RNLS: variants seen among roughly 807,000 people sequenced by gnomAD.
The protein encoded by RNLS is renalase.
Under a neutral mutation model 39.8 loss-of-function variants are expected in RNLS, and 39 were observed. The observed-to-expected ratio is 0.98, with a 90% confidence interval of 0.76 to 1.28. The LOEUF is 1.28. Ranked by LOEUF, RNLS falls within the 50% of genes most tolerant of loss-of-function variation. RNLS has a pLI of 0.00. For synonymous variants in RNLS, 147 were observed against 150.7 expected, an observed-to-expected ratio of 0.98 and a Z score of 0.18; for missense variants, 410 against 413.3, an observed-to-expected ratio of 0.99 and a Z score of 0.07.
chr10:88,559,220 T>G (rs1849036640), intron 4 of RNLS, among the ~76,000 whole-genome samples: 1 of 152,214 alleles, frequency 6.6e-6, no homozygotes, highest in Admixed American at 6.6e-5. Flanking sequence ...TTTGCATCTT[T>G]GTAGTATAAC....
chr10:88,206,090 T>C, the RNLS span, among the ~76,000 whole-genome samples: 5 of 152,196 alleles, frequency 3.3e-5, no homozygotes, highest in East Asian at 9.6e-4. Context: ...TTTCTGAAGT[T>C]TAATGCTGCA....
intron 5 of RNLS, among the ~76,000 whole-genome samples, chr10:88,315,680 A>G (rs564633347): frequency 6.6e-6 from 1 of 152,104 alleles, no homozygotes; most frequent in East Asian, 1.9e-4. Flanking sequence ...ACAGGAAAGA[A>G]AGAGTTGACA....
intron 4 of RNLS, among the ~76,000 whole-genome samples, chr10:88,455,301 A>C (rs1237802169): frequency 6.6e-6 from 1 of 152,226 alleles, no homozygotes; most frequent in Non-Finnish European, 1.5e-5. Flanking sequence ...AATTTATAGA[A>C]ATAAACGTTC....
chr10:88,490,991 T>C (rs1844843976), intron 4 of RNLS, among the ~76,000 whole-genome samples: 2 of 152,318 alleles, frequency 1.3e-5, no homozygotes, highest in African/African-American at 4.8e-5. Context: ...AGTTGTGTGA[T>C]AAGAGCCACG....
chr10:88,212,090 A>G, the RNLS span, among the ~76,000 whole-genome samples: 1 of 152,150 alleles, frequency 6.6e-6, no homozygotes, highest in African/African-American at 2.4e-5. Flanking sequence ...TTCAAATTCT[A>G]CCCACATTGA....
chr10:88,376,037 C>A (rs11202734), intron 4 of RNLS, among the ~76,000 whole-genome samples: 14,280 of 152,096 alleles, frequency 0.094, 818 homozygotes, highest in East Asian at 0.34. Flanking sequence ...CTGGGAGCAG[C>A]CCTCAGAAAA....
intron 4 of RNLS, among the ~76,000 whole-genome samples, chr10:88,422,093 G>T (rs141020500): frequency 8.5e-4 from 130 of 152,310 alleles, no homozygotes; most frequent in African/African-American, 3.1e-3. Context: ...GAAGGATAAA[G>T]CTTCTGGAGG....
chr10:88,426,930 G>A (rs1589772841), intron 4 of RNLS, among the ~76,000 whole-genome samples: 1 of 152,110 alleles, frequency 6.6e-6, no homozygotes, highest in Non-Finnish European at 1.5e-5. Context: ...GTAAATTGAT[G>A]GGAAGAGCCT....
intron 4 of RNLS, among the ~76,000 whole-genome samples, chr10:88,533,247 C>G (rs1037439391): frequency 1.2e-4 from 18 of 152,012 alleles, no homozygotes; most frequent in Non-Finnish European, 1.5e-5. Flanking sequence ...TTGGCCTTTT[C>G]TTTAGTACAA....
At chr10:88,545,356 A>G (rs1259463349) in intron 4 of RNLS, 4 of 426,966 alleles carry the variant, frequency 9.4e-6, no homozygotes, top group Non-Finnish European at 1.4e-5. Flanking sequence ...AGACTGGGTA[A>G]TTTATAAAGA....
At chr10:88,237,534 A>G in the RNLS span, among the ~76,000 whole-genome samples, 4 of 152,312 alleles carry the variant, frequency 2.6e-5, no homozygotes, top group East Asian at 7.7e-4. Flanking sequence ...TATACTTCCA[A>G]TCTTATTTTA....
chr10:88,496,905 A>G (rs965128815), intron 4 of RNLS, among the ~76,000 whole-genome samples: 2 of 152,108 alleles, frequency 1.3e-5, no homozygotes, highest in African/African-American at 2.4e-5. Context: ...GGAGATGGTC[A>G]AAGAGTAGGG....
intron 5 of RNLS, among the ~76,000 whole-genome samples, chr10:88,353,642 A>G (rs574200270): frequency 1.4e-4 from 22 of 152,276 alleles, no homozygotes; most frequent in African/African-American, 5.3e-4. Context: ...TATGTGGTCA[A>G]TTTTGGAATA....
chr10:88,575,702 T>A (rs1364925400), intron 3 of RNLS, among the ~76,000 whole-genome samples: 1 of 152,038 alleles, frequency 6.6e-6, no homozygotes, highest in Non-Finnish European at 1.5e-5. Context: ...AAACCCAATT[T>A]TAAAATGGAT....
At chr10:88,217,013 A>G in the RNLS span, among the ~76,000 whole-genome samples, 1 of 150,952 alleles carries the variant, frequency 6.6e-6, no homozygotes, top group Non-Finnish European at 1.5e-5. Context: ...AGTAATTATG[A>G]GTGAGTGCAG....
chr10:88,368,234 A>G (rs115352558), intron 4 of RNLS, among the ~76,000 whole-genome samples: 1,632 of 152,028 alleles, frequency 0.011, 21 homozygotes, highest in South Asian at 0.029. Context: ...TATATCGAAT[A>G]CTACTTCCCC....
the RNLS span, among the ~76,000 whole-genome samples, chr10:88,190,310 CTT>C: frequency 1.3e-5 from 2 of 152,224 alleles, no homozygotes; most frequent in Non-Finnish European, 2.9e-5. Context: ...CTGCCTGAGA[CTT>C]TGAGCCACAT....
chr10:88,309,352 A>G, intron 6 of RNLS: 1 of 1,185,460 alleles, frequency 8.4e-7, no homozygotes, highest in Non-Finnish European at 1.1e-6. Flanking sequence ...TCACCACCTG[A>G]CTTTTCAATG....
At chr10:88,212,489 C>T in the RNLS span, among the ~76,000 whole-genome samples, 10 of 152,184 alleles carry the variant, frequency 6.6e-5, no homozygotes, top group Non-Finnish European at 1.3e-4. Flanking sequence ...GTAATTCACT[C>T]ATTCATTTAT....
Sources: gnomAD v4.1 joint callset for allele counts (sites outside exome capture counted in the v4.1 genomes callset) on GRCh38, gnomAD v4.1.1 for gene constraint, MANE v1.5 for transcripts, NCBI Gene and HGNC (gene_info 2026-07-23, HGNC 2026-07-21) for gene names.